PCDHA4: variants seen among roughly 807,000 people sequenced by gnomAD.
PCDHA4 encodes the protein protocadherin alpha-4.
In PCDHA4, 49 loss-of-function variants were observed where a neutral mutation model predicts 61.4. That is an observed-to-expected ratio of 0.80 (90% CI 0.63 to 1.01). The LOEUF (loss-of-function observed/expected upper bound fraction) is 1.01, where lower values mean the gene tolerates loss of function less well. Among genes scored for constraint, PCDHA4 ranks in the 50% least tolerant of loss-of-function variants. The probability of loss-of-function intolerance (pLI) is 0.00; values close to 1 mark genes in which losing one functional copy is unlikely to be tolerated. For missense variants in PCDHA4, 1,254 were observed against 1,235.8 expected (o/e 1.01, Z -0.22); for synonymous variants, 590 against 550.3 (o/e 1.07, Z -1.01).
chr5:140,829,814 G>GGT (rs2150175309), intron 1 of PCDHA4: 1 of 1,613,902 alleles, frequency 6.2e-7, no homozygotes, highest in East Asian at 2.2e-5. Flanking sequence ...TGGTACTGGT[G>GGT]GTGCAGTGAG....
In PCDHA4 at chr5:140,884,016, G is replaced by A. The variant is rs143828814; in HGVS notation, c.2385+74444G>A. 13 of 1,613,090 alleles carry A rather than the reference G, an allele frequency of 8.1e-6. No individual in the cohort carries two copies. In the Admixed American group the frequency reaches 1.2e-4, roughly 14 times the overall value. On this transcript the variant is annotated intron_variant, in intron 1 of 3. Coordinates refer to ENST00000530339, the MANE Select transcript of PCDHA4 (RefSeq NM_018907.4). ...GGCACAGTGAGCGAGCTGATGCCGC[G>A]GTCGGTGGGTGCAGGCCACGTGGTG...
intron 1 of PCDHA4, among the ~76,000 whole-genome samples, chr5:140,920,648 A>G (rs1465559942): frequency 1.3e-5 from 2 of 152,148 alleles, no homozygotes; most frequent in Non-Finnish European, 2.9e-5. Flanking sequence ...GATTGAGACC[A>G]TCCTTGCCAA....
At chr5:140,973,004 G>A (rs1183511655) in intron 1 of PCDHA4, among the ~76,000 whole-genome samples, 4 of 152,096 alleles carry the variant, frequency 2.6e-5, no homozygotes, top group African/African-American at 9.7e-5. Flanking sequence ...ATTTGTGGTC[G>A]TGGTGTTGTG....
chr5:140,987,811 CTT>C (rs1444999429), intron 3 of PCDHA4, among the ~76,000 whole-genome samples: 7 of 152,218 alleles, frequency 4.6e-5, no homozygotes, highest in African/African-American at 1.7e-4. Flanking sequence ...GTGCCTGTCT[CTT>C]TGTTTCCTTA....
At chr5:140,975,022 G>A (rs2096650178) in intron 1 of PCDHA4, among the ~76,000 whole-genome samples, 2 of 152,188 alleles carry the variant, frequency 1.3e-5, no homozygotes, top group Admixed American at 1.3e-4. Context: ...GCTGGGCTGT[G>A]TTGTCCTTTG....
chr5:140,822,948 C>T (rs145265581), intron 1 of PCDHA4: 5 of 1,614,074 alleles, frequency 3.1e-6, no homozygotes, highest in Admixed American at 3.3e-5. Flanking sequence ...TAATGCCCCA[C>T]GTTCCCTTCA....
In PCDHA4 at chr5:140,809,449, G is replaced by T; in HGVS notation, c.2262G>T (p.Arg754Ser). 6.2e-7 allele frequency: 1 copy of T among 1,614,260 alleles called. No individual in the cohort carries two copies. The highest frequency in any genetic ancestry group is 8.5e-7 in the Non-Finnish European group (1 of 1,180,040). Residue 754 changes from arginine to serine, a missense_variant, in exon 1 of 4, where the codon AGG becomes AGT. Transcript: ENST00000530339. ...GGAGCTGGTCATACTCGCAGCAGAGGAGGCCGAGGGTGTGCTCTGGTGAGG... is the reference window on the plus strand; with the variant it reads ...GGAGCTGGTCATACTCGCAGCAGAGTAGGCCGAGGGTGTGCTCTGGTGAGG... Reference protein sequence around the residue: ...AVGSWSYSQQRRPRVCSGEGP... With the variant: ...AVGSWSYSQQSRPRVCSGEGP...
At chr5:140,817,274 T>C (rs1766102843) in intron 1 of PCDHA4, 2 of 152,288 alleles carry the variant, frequency 1.3e-5, no homozygotes, top group African/African-American at 2.4e-5. Context: ...TGAATGGAAC[T>C]GTGCTGCTGG....
rs575540619 is a variant in PCDHA4 at position 140,959,917 on chromosome 5, T to A, written c.2386-19032T>A. ...TTTATATCAGAAAAATCAAAGCCATTTGTAAAGCCCCATTACTTAGGCAGA... is the reference window on the plus strand; with the variant it reads ...TTTATATCAGAAAAATCAAAGCCATATGTAAAGCCCCATTACTTAGGCAGA... On this transcript the variant is annotated intron_variant, in intron 1 of 3. Transcript: ENST00000530339. 3.3e-5 allele frequency among the ~76,000 whole-genome samples: 5 copies of A among 152,296 alleles called. No homozygotes were observed. The East Asian group carries it at 9.6e-4, about 29-fold the overall frequency.
intron 1 of PCDHA4, chr5:140,842,014 A>C: frequency 6.2e-7 from 1 of 1,613,836 alleles, no homozygotes; most frequent in Non-Finnish European, 8.5e-7. Flanking sequence ...TGCTGGTCAC[A>C]GTGCTGGATG....
At chr5:140,870,921 T>G (rs2052546739) in intron 1 of PCDHA4, 1 of 1,613,894 alleles carries the variant, frequency 6.2e-7, no homozygotes, top group South Asian at 1.1e-5. Flanking sequence ...ACGCGTGGCT[T>G]TCATATGAAT....
At position 140,842,211 on chromosome 5, in the gene PCDHA4, G is replaced by A. The variant is rs141101675; in HGVS notation, c.2385+32639G>A. The A allele has an allele frequency of 5.8e-5, 93 of 1,613,388 alleles. 2 individuals carry two copies. Among genetic ancestry groups the A allele is most frequent in the Non-Finnish European group, 5.4e-5 (64 of 1,179,636 alleles). ...GTTATTGACCACTTTAGCATAGATCGAAATACGGGAGAAATAGTGATTCGG... is the reference window on the plus strand; with the variant it reads ...GTTATTGACCACTTTAGCATAGATCAAAATACGGGAGAAATAGTGATTCGG... On this transcript the variant is annotated intron_variant, in intron 1 of 3. Transcript: ENST00000530339.
intron 3 of PCDHA4, among the ~76,000 whole-genome samples, chr5:140,986,619 C>T (rs1212565136): frequency 6.6e-6 from 1 of 152,134 alleles, no homozygotes; most frequent in Non-Finnish European, 1.5e-5. Flanking sequence ...CAGGCCTTAC[C>T]TAAGGCAACA....
intron 1 of PCDHA4, chr5:140,884,024 G>A: frequency 6.2e-7 from 1 of 1,613,318 alleles, no homozygotes; most frequent in Non-Finnish European, 8.5e-7. Flanking sequence ...GCGGTCGGTG[G>A]GTGCAGGCCA....
chr5:140,822,831 C>A, intron 1 of PCDHA4: 1 of 1,614,158 alleles, frequency 6.2e-7, no homozygotes, highest in Non-Finnish European at 8.5e-7. Flanking sequence ...TGGCCATAAC[C>A]ACCCTTTTCC....
intron 1 of PCDHA4, chr5:140,969,141 G>A: frequency 6.2e-7 from 1 of 1,614,158 alleles, no homozygotes; most frequent in South Asian, 1.1e-5. Flanking sequence ...AAGACCTACT[G>A]CTACAAGGCC....
chr5:140,928,637 A>C (rs781828981), intron 1 of PCDHA4: 1 of 1,614,202 alleles, frequency 6.2e-7, no homozygotes, highest in South Asian at 1.1e-5. Context: ...TTGGTCACAA[A>C]AGTGGTAGCA....
chr5:140,967,460 G>A, intron 1 of PCDHA4: 1 of 1,613,538 alleles, frequency 6.2e-7, no homozygotes, highest in Non-Finnish European at 8.5e-7. Context: ...AGCCGTGGAT[G>A]GGGGCATCCC....
intron 1 of PCDHA4, among the ~76,000 whole-genome samples, chr5:140,881,897 C>T (rs2058860141): frequency 6.6e-6 from 1 of 152,146 alleles, no homozygotes; most frequent in African/African-American, 2.4e-5. Context: ...CAATTGTCAG[C>T]TAATATAAAA....
Sources: gnomAD v4.1 joint callset for allele counts (sites outside exome capture counted in the v4.1 genomes callset) on GRCh38, gnomAD v4.1.1 for gene constraint, MANE v1.5 for transcripts, NCBI Gene and HGNC (gene_info 2026-07-23, HGNC 2026-07-21) for gene names.